The following ATP6V1B2 variants were observed in gnomAD, a reference collection of about 807,000 sequenced individuals.
The protein encoded by ATP6V1B2 is ATPase H+ transporting V1 subunit B2, also known as V-type proton ATPase subunit B, brain isoform.
A neutral mutation model predicts 66.7 loss-of-function variants in ATP6V1B2; 23 were observed. The observed-to-expected ratio is 0.34, with a 90% CI of 0.25 to 0.49. The LOEUF (loss-of-function observed/expected upper bound fraction) is 0.49, where lower values mean the gene tolerates loss of function less well. Ranked by LOEUF, ATP6V1B2 falls within the 20% of genes least tolerant of loss-of-function variation. The probability of loss-of-function intolerance (pLI) is 0.99; values close to 1 mark genes in which losing one functional copy is unlikely to be tolerated. For synonymous variants in ATP6V1B2, 278 were observed against 236.7 expected, an observed-to-expected ratio of 1.17 and a Z score of -1.60; for missense variants, 478 against 650.8, an observed-to-expected ratio of 0.73 and a Z score of 2.89.
chr8:20,207,255 A>T (rs1205809510), intron 2 of ATP6V1B2, among the ~76,000 whole-genome samples: 2 of 152,222 alleles, frequency 1.3e-5, no homozygotes, highest in African/African-American at 4.8e-5. Context: ...CAGTGGAACA[A>T]AATTTAGGGC....
chr8:20,216,502 G>T lies in ATP6V1B2; in HGVS notation c.1161+7G>T. ...ACAGCTGCACAACAGACAGGTACTG[G>T]ACGGGAGCAGTGCTGGGAAGCTTGC... On this transcript the variant is annotated splice_region_variant and intron_variant, in intron 11 of 13. Transcript: ENST00000276390. The T allele has an allele frequency of 6.2e-7, 1 of 1,611,576 alleles. No homozygotes were observed. The highest frequency in any genetic ancestry group is 8.5e-7 in the Non-Finnish European group (1 of 1,177,982).
Position 20,197,534 on chromosome 8 carries a change from C to G in ATP6V1B2, c.128C>G (p.Pro43Arg). 1 of 1,425,970 alleles carries G rather than the reference C, an allele frequency of 7.0e-7. No individual in the cohort carries two copies. Among genetic ancestry groups the G allele is most frequent in the Non-Finnish European group, 9.2e-7 (1 of 1,082,096 alleles). The allele number at this position is 1,425,970 out of a possible 1,614,324, so 88.3% of individuals were successfully genotyped here. ...GTCAGTCGGAACTACCTCTCCCAGC[C>G]TCGCCTCAGTGAGTATCAGAGAGTA... ...LAVSRNYLSQPRLTYKTVSGV... is the reference protein window; with the variant it reads ...LAVSRNYLSQRRLTYKTVSGV... The change falls in exon 1 of 14, where the codon CCT becomes CGT. Residue 43 changes from proline to arginine, a missense_variant. By Grantham distance (103) the Pro-to-Arg change is moderately radical (BLOSUM62 -2). Coordinates refer to ENST00000276390, the MANE Select transcript of ATP6V1B2 (RefSeq NM_001693.4).
At chr8:20,203,000 A>G (rs1046568701) in intron 1 of ATP6V1B2, among the ~76,000 whole-genome samples, 3 of 152,210 alleles carry the variant, frequency 2.0e-5, no homozygotes, top group Admixed American at 1.3e-4. Flanking sequence ...AATGAGAACA[A>G]TGAAGAAATC....
intron 1 of ATP6V1B2, among the ~76,000 whole-genome samples, chr8:20,199,771 C>T (rs1283155077): frequency 1.3e-5 from 2 of 151,934 alleles, no homozygotes; most frequent in Non-Finnish European, 1.5e-5. Flanking sequence ...CCGCCATGCC[C>T]GGCTAATTTT....
chr8:20,206,178 T>A (rs1195289908), intron 2 of ATP6V1B2, among the ~76,000 whole-genome samples: 1 of 152,266 alleles, frequency 6.6e-6, no homozygotes, highest in Non-Finnish European at 1.5e-5. Flanking sequence ...TCTCTACTGC[T>A]GTTCTCAGTA....
In ATP6V1B2 at chr8:20,211,301, G is replaced by T; in HGVS notation, c.588G>T (p.Gly196=). Residue 196 remains glycine, a synonymous_variant, in exon 6 of 14, where the codon GGG becomes GGT. Coordinates refer to ENST00000276390, the MANE Select transcript of ATP6V1B2 (RefSeq NM_001693.4). ...AAATTCCTATCTTCTCTGCTGCTGG[G>T]CTACCACACAATGAGGTGAGGACTG... The part of the protein sequence containing the change: ...GQKIPIFSAA[G]LPHNEIAAQI... 1 of 1,612,818 alleles carries T rather than the reference G, an allele frequency of 6.2e-7. No homozygotes were observed. Among genetic ancestry groups the T allele is most frequent in the Admixed American group, 1.7e-5 (1 of 59,500 alleles).
chr8:20,217,425 C>G lies in ATP6V1B2; in HGVS notation c.1266+101C>G, dbSNP rs563469258. ...CCTTACCACTTCTCTCTTCCCCATC[C>G]ACATGGAATTTTAGTGTAGGCTTGA... On this transcript the variant is annotated intron_variant, in intron 12 of 13. Coordinates refer to ENST00000276390, the MANE Select transcript of ATP6V1B2 (RefSeq NM_001693.4). 1.3e-5 allele frequency: 14 copies of G among 1,068,492 alleles called. No homozygotes were observed. In the South Asian group the frequency reaches 1.7e-4, roughly 13 times the overall value. 66.2% of individuals were successfully genotyped at this position (1,068,492 alleles called of 1,614,324 possible). A position where few individuals can be genotyped will look rare whatever the true frequency, so the allele number is the denominator to read the frequency against.
rs140696770 is a variant in ATP6V1B2 at position 20,204,605 on chromosome 8, A to G, written c.192+66A>G. On this transcript the variant is annotated intron_variant, in intron 2 of 13. Transcript: ENST00000276390. ...AATGTGGCATTAAGTCCTATTTAGT[A>G]TACTTTAAATTTTTGTTATGATTTT... 422 of 1,385,380 alleles carry G rather than the reference A, an allele frequency of 3.0e-4. 2 individuals carry two copies. The highest frequency in any genetic ancestry group is 2.0e-3 in the Middle Eastern group (9 of 4,566). 85.8% of individuals were successfully genotyped at this position (1,385,380 alleles called of 1,614,324 possible). A position where few individuals can be genotyped will look rare whatever the true frequency, so the allele number is the denominator to read the frequency against.
chr8:20,215,005 AT>A (rs752698769), intron 10 of ATP6V1B2, 37 bp downstream of exon 10: 47 of 1,596,704 alleles, frequency 2.9e-5, no homozygotes, highest in Admixed American at 1.9e-4. Context: ...ACACCTAATC[AT>A]TTTAAAGAGA....
chr8:20,198,763 G>A (rs2072654294), intron 1 of ATP6V1B2, among the ~76,000 whole-genome samples: 1 of 152,212 alleles, frequency 6.6e-6, no homozygotes, highest in Non-Finnish European at 1.5e-5. Flanking sequence ...GCACTGCAGT[G>A]TGAAGAAAAA....
At chr8:20,218,405 T>C (rs2072875751) in intron 13 of ATP6V1B2, 123 bp downstream of exon 13, 1 of 1,278,410 alleles carries the variant, frequency 7.8e-7, no homozygotes, top group Middle Eastern at 2.5e-4. Flanking sequence ...GAGAAGAGGC[T>C]CTGTCACCTG....
At chr8:20,210,498 A>G in intron 4 of ATP6V1B2, 59 bp downstream of exon 4, 1 of 1,606,474 alleles carries the variant, frequency 6.2e-7, no homozygotes, top group Admixed American at 1.7e-5. Flanking sequence ...ATATTTCCAT[A>G]ATGTCTTTTA....
At chr8:20,200,733 T>G (rs578228675) in intron 1 of ATP6V1B2, among the ~76,000 whole-genome samples, 23 of 152,352 alleles carry the variant, frequency 1.5e-4, no homozygotes, top group African/African-American at 5.3e-4. Context: ...TCAACTGGCC[T>G]TAAGTTTCTT....
At chr8:20,212,649 A>C in intron 8 of ATP6V1B2, 133 bp from the exon 9 acceptor site, 2 of 1,288,536 alleles carry the variant, frequency 1.6e-6, no homozygotes, top group Admixed American at 5.1e-5. Context: ...TAAAATAACA[A>C]CTGCTTTACT....
intron 1 of ATP6V1B2, among the ~76,000 whole-genome samples, chr8:20,199,677 C>G (rs1377120095): frequency 7.7e-6 from 1 of 129,332 alleles, no homozygotes; most frequent in African/African-American, 2.9e-5. Flanking sequence ...GTGGCGCGAT[C>G]TAGGCTCGCT....
intron 10 of ATP6V1B2, 44 bp from the exon 11 acceptor site, chr8:20,216,369 A>T (rs1344060705): frequency 6.4e-7 from 1 of 1,556,034 alleles, no homozygotes; most frequent in Non-Finnish European, 8.9e-7. Context: ...AAAACTCATA[A>T]CCTAAAGATG....
chr8:20,214,142 T>C (rs1028329860), intron 9 of ATP6V1B2: 1 of 152,192 alleles, frequency 6.6e-6, no homozygotes, highest in Non-Finnish European at 1.5e-5. Flanking sequence ...ACTTAGAAGT[T>C]GGATTTCATA....
chr8:20,219,693 C>T (rs1036791707), intron 13 of ATP6V1B2, among the ~76,000 whole-genome samples: 2 of 151,924 alleles, frequency 1.3e-5, no homozygotes, highest in African/African-American at 4.8e-5. Flanking sequence ...AGAAAAGAAC[C>T]CAGACCTCCA....
rs1301452862 is a variant in ATP6V1B2, at chr8:20,220,340, C to G, written c.1474C>G (p.Leu492Val). 1.9e-6 allele frequency: 3 copies of G among 1,604,304 alleles called. No homozygotes were observed. Among genetic ancestry groups the G allele is most frequent in the Non-Finnish European group, 2.5e-6 (3 of 1,176,652 alleles). The change falls in exon 14 of 14, where the codon CTG becomes GTG. Residue 492 changes from leucine (L) to valine (V), a missense_variant. This residue lies in a region of ATP6V1B2 where 326 missense variants were observed against 545.6 expected (regional missense o/e 0.60). Transcript: ENST00000276390. ...QLLRIFPKEM[L>V]KRIPQSTLSE... Reference sequence around the variant, plus strand: ...ACTCCGAATCTTCCCCAAAGAAATGCTGAAGAGAATCCCTCAGAGCACCCT... The same window carrying G: ...ACTCCGAATCTTCCCCAAAGAAATGGTGAAGAGAATCCCTCAGAGCACCCT...
Sources: allele counts gnomAD v4.1 joint callset (sites outside exome capture counted in the v4.1 genomes callset), GRCh38; gene constraint gnomAD v4.1.1; regional missense constraint gnomAD v4.1.1; transcripts MANE v1.5; gene names NCBI Gene and HGNC (gene_info 2026-07-23, HGNC 2026-07-21).